SVOPL: variants seen among roughly 807,000 people sequenced by gnomAD.
SVOPL encodes the protein putative transporter SVOPL.
A neutral mutation model predicts 61.0 loss-of-function variants in SVOPL; 60 were observed. The observed-to-expected ratio is 0.98, with a 90% CI of 0.80 to 1.22. The LOEUF is 1.22. Among genes scored for constraint, SVOPL ranks in the 50% most tolerant of loss-of-function variants. SVOPL has a pLI of 0.00. For synonymous variants in SVOPL, 279 were observed against 250.0 expected, an observed-to-expected ratio of 1.12 and a Z score of -1.09; for missense variants, 662 against 643.9, an observed-to-expected ratio of 1.03 and a Z score of -0.30.
chr7:138,668,699 C>G (rs1324273329), intron 4 of SVOPL, among the ~76,000 whole-genome samples: 2 of 152,206 alleles, frequency 1.3e-5, no homozygotes. Context: ...GATTAAAATT[C>G]ACAGGTAAGA....
chr7:138,618,700 G>A (rs191828408), intron 14 of SVOPL, among the ~76,000 whole-genome samples: 9 of 138,704 alleles, frequency 6.5e-5, no homozygotes, highest in Admixed American at 5.2e-4. Flanking sequence ...GAGCACGCGT[G>A]CACACGCGCG....
intron 14 of SVOPL, among the ~76,000 whole-genome samples, chr7:138,606,811 G>A (rs1415548455): frequency 1.3e-4 from 20 of 152,026 alleles, no homozygotes; most frequent in African/African-American, 4.3e-4. Context: ...AAAATGAGCC[G>A]GGCGTGGTGG....
chr7:138,661,935 C>A, intron 5 of SVOPL: 1 of 985,462 alleles, frequency 1.0e-6, no homozygotes. Context: ...AACACCACCC[C>A]TTACCCCCAC....
intron 3 of SVOPL, among the ~76,000 whole-genome samples, chr7:138,676,381 T>C (rs982908687): frequency 6.6e-6 from 1 of 152,162 alleles, no homozygotes. Flanking sequence ...AGGCCCAAGA[T>C]CAAAGTGCCA....
chr7:138,700,120 A>G (rs1803157437), intron 1 of SVOPL, among the ~76,000 whole-genome samples: 1 of 152,110 alleles, frequency 6.6e-6, no homozygotes, highest in Non-Finnish European at 1.5e-5. Flanking sequence ...AGGACACTCA[A>G]ACACAAACTC....
chr7:138,677,602 T>G lies in SVOPL; in HGVS notation c.174+832A>C, dbSNP rs113581855. On this transcript the variant is annotated intron_variant, in intron 3 of 15. Transcript: ENST00000674285. ...AATCTCTATTAACAGAGCTAGATCTTTTTCTTCCAGGCCCTCCCAATCCTG... is the reference window on the plus strand; with the variant it reads ...AATCTCTATTAACAGAGCTAGATCTGTTTCTTCCAGGCCCTCCCAATCCTG... Among the ~76,000 whole-genome samples, 921 of 152,230 alleles carry G rather than the reference T, an allele frequency of 6.1e-3. 11 individuals are homozygous for G. Among genetic ancestry groups the G allele is most frequent in the African/African-American group, 0.021 (876 of 41,554 alleles).
intron 14 of SVOPL, among the ~76,000 whole-genome samples, chr7:138,620,155 C>G (rs1187128638): frequency 5.5e-5 from 7 of 126,616 alleles, no homozygotes; most frequent in Admixed American, 5.4e-4. Flanking sequence ...TAGAGTCTCA[C>G]TCTCGCCCAG....
At chr7:138,668,415 C>A (rs573018190) in intron 4 of SVOPL, among the ~76,000 whole-genome samples, 7 of 152,310 alleles carry the variant, frequency 4.6e-5, no homozygotes, top group Non-Finnish European at 7.4e-5. Context: ...GGTGAACCCG[C>A]TGGGCTGTTA....
chr7:138,617,334 T>C lies in SVOPL; in HGVS notation c.1353+3712A>G, dbSNP rs146384947. Among the ~76,000 whole-genome samples, 7 of 152,276 alleles carry C rather than the reference T, an allele frequency of 4.6e-5. No individual in the cohort carries two copies. In the East Asian group the frequency reaches 1.4e-3, roughly 29 times the overall value. On this transcript the variant is annotated intron_variant, in intron 14 of 15. Coordinates refer to ENST00000674285, the MANE Select transcript of SVOPL (RefSeq NM_001139456.2). The stretch of plus-strand genomic sequence containing the variant: ...ATAGTCATTAGGATATGTAAACATA[T>C]TACTGATTAAAATTTTTAGTTTAAC...
chr7:138,644,094 G>A (rs761860816), intron 9 of SVOPL, among the ~76,000 whole-genome samples: 22 of 150,422 alleles, frequency 1.5e-4, no homozygotes, highest in African/African-American at 3.4e-4. Flanking sequence ...CCAGCTACTC[G>A]GGAGGCTGAC....
At chr7:138,611,251 G>A (rs777194976) in intron 14 of SVOPL, among the ~76,000 whole-genome samples, 1 of 152,084 alleles carries the variant, frequency 6.6e-6, no homozygotes, top group East Asian at 1.9e-4. Flanking sequence ...GGTGGTGTGC[G>A]CCTGTAGTCC....
intron 12 of SVOPL, 100 bp from the exon 13 acceptor site, chr7:138,626,150 C>A: frequency 8.7e-7 from 1 of 1,146,280 alleles, no homozygotes. Context: ...GATACAATCA[C>A]AGATAACTCA....
At chr7:138,640,336 T>C (rs531946776) in intron 9 of SVOPL, among the ~76,000 whole-genome samples, 17 of 152,062 alleles carry the variant, frequency 1.1e-4, no homozygotes, top group Non-Finnish European at 2.2e-4. Flanking sequence ...GGTTCAAGCA[T>C]TTCTACTGCC....
At chr7:138,695,268 T>G (rs1441417224) in intron 1 of SVOPL, among the ~76,000 whole-genome samples, 1 of 152,114 alleles carries the variant, frequency 6.6e-6, no homozygotes, top group Non-Finnish European at 1.5e-5. Flanking sequence ...TCCCAGCACT[T>G]TGGAAAGCCG....
intron 9 of SVOPL, among the ~76,000 whole-genome samples, chr7:138,633,093 T>C (rs1355397338): frequency 6.6e-6 from 1 of 152,178 alleles, no homozygotes; most frequent in Admixed American, 6.6e-5. Flanking sequence ...TGATTGTCAG[T>C]ATCTCAGTAG....
intron 1 of SVOPL, among the ~76,000 whole-genome samples, chr7:138,685,778 A>C (rs1044846381): frequency 3.9e-5 from 6 of 152,048 alleles, no homozygotes; most frequent in African/African-American, 1.4e-4. Flanking sequence ...AGCCTGAGGC[A>C]GGAGAATCAC....
At chr7:138,672,514 C>T (rs1259381445) in intron 3 of SVOPL, among the ~76,000 whole-genome samples, 1 of 152,096 alleles carries the variant, frequency 6.6e-6, no homozygotes, top group Non-Finnish European at 1.5e-5. Flanking sequence ...ATGAAGGTTG[C>T]AGAGCACACG....
chr7:138,664,106 G>C (rs956093953), intron 4 of SVOPL: 3 of 644,150 alleles, frequency 4.7e-6, no homozygotes, highest in Non-Finnish European at 3.9e-6. Context: ...CCGCTCGCTG[G>C]GGCTCCAGCT....
At chr7:138,689,907 A>T (rs935374613) in intron 1 of SVOPL, among the ~76,000 whole-genome samples, 26 of 151,418 alleles carry the variant, frequency 1.7e-4, no homozygotes, top group African/African-American at 5.4e-4. Context: ...TGGGAGTCTT[A>T]CCCATTGTAA....
Sources: allele counts gnomAD v4.1 joint callset (sites outside exome capture counted in the v4.1 genomes callset), GRCh38; gene constraint gnomAD v4.1.1; transcripts MANE v1.5; gene names NCBI Gene and HGNC (gene_info 2026-07-23, HGNC 2026-07-21).